The following TENM4 variants were observed in gnomAD, a reference collection of about 807,000 sequenced individuals.
TENM4 encodes teneurin transmembrane protein 4, also known as teneurin-4.
Under a neutral mutation model 243.3 loss-of-function variants are expected in TENM4, and 82 were observed. The ratio of observed to expected loss-of-function variants is 0.34; its 90% CI spans 0.28 to 0.40. The LOEUF is 0.40. TENM4 is among the 10% of genes least tolerant of loss of function. The pLI is 1.00. For synonymous variants in TENM4, 1,412 were observed against 1,456.3 expected (o/e 0.97, Z 0.69); for missense variants, 3,138 against 3,673.3 (o/e 0.85, Z 3.77).
At chr11:79,100,544 G>A (rs1273965987) in intron 4 of TENM4, among the ~76,000 whole-genome samples, 2 of 152,156 alleles carry the variant, frequency 1.3e-5, no homozygotes, top group Non-Finnish European at 1.5e-5. Flanking sequence ...GCCCTCGATG[G>A]TAAATTCCTT....
chr11:79,192,183 G>T (rs968640781), intron 3 of TENM4, among the ~76,000 whole-genome samples: 1 of 151,662 alleles, frequency 6.6e-6, no homozygotes, highest in Non-Finnish European at 1.5e-5. Flanking sequence ...CCCGGTCTGG[G>T]AGCTGAGGGG....
intron 12 of TENM4, among the ~76,000 whole-genome samples, chr11:78,839,847 G>GAACA (rs1353973820): frequency 1.1e-4 from 16 of 152,214 alleles, no homozygotes; most frequent in Non-Finnish European, 2.2e-4. Context: ...GTTACTTAGT[G>GAACA]AACACAAAAG....
chr11:79,095,605 A>G (rs1222857365), intron 4 of TENM4, among the ~76,000 whole-genome samples: 1 of 152,074 alleles, frequency 6.6e-6, no homozygotes, highest in African/African-American at 2.4e-5. Context: ...TGACCTCCAG[A>G]GGCCCTTCCA....
Position 78,658,350 on chromosome 11 carries a change from A to G in TENM4, c.8018T>C (p.Leu2673Pro). Residue 2673 changes from leucine to proline, a missense_variant, in exon 34 of 34, where the codon CTG becomes CCG. Leu to Pro is a moderately conservative substitution (Grantham distance 98). Coordinates refer to ENST00000278550, the MANE Select transcript of TENM4 (RefSeq NM_001098816.3). ...YTDIQLQYGA[L>P]CLNTRYGTTL... The stretch of plus-strand genomic sequence containing the variant: ...TGTCCCGTAGCGTGTGTTCAAGCAC[A>G]GTGCCCCGTACTGGAGCTGGATGTC... The G allele has an allele frequency of 6.2e-7, 1 of 1,613,854 alleles. No individual in the cohort carries two copies. The highest frequency in any genetic ancestry group is 8.5e-7 in the Non-Finnish European group (1 of 1,179,794).
At chr11:79,375,664 T>C (rs1486542547) in intron 1 of TENM4, among the ~76,000 whole-genome samples, 2 of 152,190 alleles carry the variant, frequency 1.3e-5, no homozygotes, top group Non-Finnish European at 2.9e-5. Flanking sequence ...AAAATAATCA[T>C]AGACCCCTGC....
intron 3 of TENM4, among the ~76,000 whole-genome samples, chr11:79,176,724 G>GTATT (rs1215650625): frequency 2.6e-5 from 4 of 152,104 alleles, no homozygotes; most frequent in Admixed American, 6.6e-5. Flanking sequence ...TTTTAATACA[G>GTATT]TATTTAGTAT....
intron 11 of TENM4, 137 bp downstream of exon 11, chr11:78,855,827 A>G: frequency 1.2e-6 from 1 of 800,130 alleles, no homozygotes. Context: ...TCTGAGAGGG[A>G]CTACATGAAT....
At chr11:79,270,006 C>T (rs1855942054) in intron 2 of TENM4, among the ~76,000 whole-genome samples, 1 of 152,108 alleles carries the variant, frequency 6.6e-6, no homozygotes, top group African/African-American at 2.4e-5. Context: ...GGTTCCTTTC[C>T]AGGGCCTCGC....
intron 18 of TENM4, among the ~76,000 whole-genome samples, chr11:78,765,110 C>T (rs529791256): frequency 3.9e-5 from 6 of 152,184 alleles, no homozygotes; most frequent in East Asian, 1.9e-4. Context: ...AACCATATCT[C>T]GCTCTTGTCT....
At chr11:78,735,104 T>C (rs1283544036) in intron 20 of TENM4, among the ~76,000 whole-genome samples, 1 of 152,190 alleles carries the variant, frequency 6.6e-6, no homozygotes, top group Non-Finnish European at 1.5e-5. Flanking sequence ...CCTTTCCTAG[T>C]GTCAAGTTCT....
At chr11:78,991,065 C>T (rs1318048769) in intron 6 of TENM4, among the ~76,000 whole-genome samples, 1 of 152,004 alleles carries the variant, frequency 6.6e-6, no homozygotes, top group African/African-American at 2.4e-5. Context: ...TCTCAGATGG[C>T]GCATGGGGTG....
At chr11:79,084,641 G>A (rs938284502) in intron 4 of TENM4, among the ~76,000 whole-genome samples, 1 of 133,472 alleles carries the variant, frequency 7.5e-6, no homozygotes, top group African/African-American at 2.7e-5. Context: ...TATATAACAT[G>A]TTTAAAAGAA....
chr11:79,103,910 T>A (rs1307168350), intron 4 of TENM4, among the ~76,000 whole-genome samples: 1 of 152,186 alleles, frequency 6.6e-6, no homozygotes, highest in Non-Finnish European at 1.5e-5. Flanking sequence ...ATGGACCAAA[T>A]GAATATTAGA....
intron 2 of TENM4, among the ~76,000 whole-genome samples, chr11:79,225,789 G>C (rs1864252332): frequency 6.6e-6 from 1 of 152,120 alleles, no homozygotes; most frequent in South Asian, 2.1e-4. Context: ...AGTCCTTTCT[G>C]TTTTGAGTAT....
chr11:79,069,669 C>T (rs1860355172), intron 5 of TENM4, 53 bp downstream of exon 5: 4 of 1,510,086 alleles, frequency 2.6e-6, no homozygotes. Flanking sequence ...CCCATGCCTA[C>T]CTGAGCCAAG....
intron 6 of TENM4, among the ~76,000 whole-genome samples, chr11:78,995,913 T>C (rs1858161858): frequency 6.6e-6 from 1 of 152,144 alleles, no homozygotes; most frequent in African/African-American, 2.4e-5. Flanking sequence ...CCTACCTGGC[T>C]GAATTGCAGT....
chr11:79,417,685 C>T (rs1858847568), intron 1 of TENM4, among the ~76,000 whole-genome samples: 1 of 152,192 alleles, frequency 6.6e-6, no homozygotes. Context: ...TGCAATATGA[C>T]ATCATCTATG....
At chr11:79,078,767 G>A (rs1042655870) in intron 4 of TENM4, among the ~76,000 whole-genome samples, 1 of 152,162 alleles carries the variant, frequency 6.6e-6, no homozygotes, top group Non-Finnish European at 1.5e-5. Flanking sequence ...ACCTCACTGA[G>A]TTCTCACCAC....
chr11:79,329,290 G>C (rs1168665134), intron 1 of TENM4, among the ~76,000 whole-genome samples: 1 of 152,246 alleles, frequency 6.6e-6, no homozygotes, highest in Non-Finnish European at 1.5e-5. Context: ...GTTCTTTAAG[G>C]ATTCAAAGAG....
Sources: gnomAD v4.1 joint callset for allele counts (sites outside exome capture counted in the v4.1 genomes callset) on GRCh38, gnomAD v4.1.1 for gene constraint, MANE v1.5 for transcripts, NCBI Gene and HGNC (gene_info 2026-07-23, HGNC 2026-07-21) for gene names.